The following CAMK2D variants were observed in gnomAD, a reference collection of about 807,000 sequenced individuals.
The protein encoded by CAMK2D is calcium/calmodulin-dependent protein kinase type II subunit delta.
In CAMK2D, 37 loss-of-function variants were observed where a neutral mutation model predicts 84.0. The ratio of observed to expected loss-of-function variants is 0.44; its 90% CI spans 0.34 to 0.58. The LOEUF is 0.58. Ranked by LOEUF, CAMK2D falls within the 20% of genes least tolerant of loss-of-function variation. The pLI is 0.02. For synonymous variants in CAMK2D, 202 were observed against 212.5 expected (o/e 0.95, Z 0.43); for missense variants, 448 against 652.5 (o/e 0.69, Z 3.41).
At chr4:113,724,034 T>C (rs555927035) in intron 2 of CAMK2D, among the ~76,000 whole-genome samples, 2 of 152,262 alleles carry the variant, frequency 1.3e-5, no homozygotes, top group East Asian at 3.8e-4. Context: ...TTAAATTAGA[T>C]TTGCATTCCT....
At position 113,454,532 on chromosome 4, in the gene CAMK2D, G is replaced by A. The variant is rs749281760; in HGVS notation, c.*30-17C>T. ...GAAATTTAGCTGAAAGGAGAAAGGG[G>A]GAGGAAGAAATAAATTATATTGTTT... On this transcript the variant is annotated splice_polypyrimidine_tract_variant and intron_variant, in intron 20 of 20. Coordinates refer to ENST00000511664, the MANE Select transcript of CAMK2D (RefSeq NM_001321571.2). 4 of 776,846 alleles carry A rather than the reference G, an allele frequency of 5.1e-6. No homozygotes were observed. The highest frequency in any genetic ancestry group is 5.1e-5 in the African/African-American group (3 of 58,890). 48.1% of individuals were successfully genotyped at this position (776,846 alleles called of 1,614,324 possible).
At chr4:113,462,989 G>A (rs1040076055) in intron 17 of CAMK2D, among the ~76,000 whole-genome samples, 3 of 152,084 alleles carry the variant, frequency 2.0e-5, no homozygotes, top group African/African-American at 4.8e-5. Flanking sequence ...AATAGGGAAC[G>A]GTTGTCTCTG....
intron 4 of CAMK2D, among the ~76,000 whole-genome samples, chr4:113,565,615 C>G (rs1179086031): frequency 1.3e-5 from 2 of 149,214 alleles, no homozygotes; most frequent in Non-Finnish European, 3.0e-5. Flanking sequence ...CATGCCACTG[C>G]ACTCCAGCCT....
intron 4 of CAMK2D, among the ~76,000 whole-genome samples, chr4:113,562,409 TC>T (rs1156784284): frequency 6.6e-6 from 1 of 152,216 alleles, no homozygotes; most frequent in Non-Finnish European, 1.5e-5. Context: ...TCTAGATCAT[TC>T]AAATTATTGT....
In CAMK2D at chr4:113,508,130, T is replaced by A. The variant is rs79655470; in HGVS notation, c.984+1508A>T. The A allele has an allele frequency of 1.9e-3, 1,415 of 764,572 alleles. 9 individuals carry two copies. In the African/African-American group the frequency reaches 0.022, roughly 12 times the overall value. The allele number at this position is 764,572 out of a possible 1,614,324, so 47.4% of individuals were successfully genotyped here. On this transcript the variant is annotated intron_variant, in intron 13 of 20. Transcript: ENST00000511664. ...ATAGTTGACTAACACTGACCTGTAA[T>A]GGTCCTACACCCTCTCCACTTACTT...
intron 3 of CAMK2D, among the ~76,000 whole-genome samples, chr4:113,639,726 G>C (rs570043189): frequency 1.3e-5 from 2 of 152,108 alleles, no homozygotes; most frequent in African/African-American, 4.8e-5. Flanking sequence ...AGAGAAGATG[G>C]AAAAATAAGA....
chr4:113,640,902 G>A (rs890081646), intron 3 of CAMK2D, among the ~76,000 whole-genome samples: 4 of 152,210 alleles, frequency 2.6e-5, no homozygotes, highest in African/African-American at 9.6e-5. Flanking sequence ...ATAATTTGGA[G>A]ACAACATTGT....
chr4:113,576,191 ACGCCT>A (rs1277262418), intron 4 of CAMK2D, among the ~76,000 whole-genome samples: 1 of 152,124 alleles, frequency 6.6e-6, no homozygotes, highest in African/African-American at 2.4e-5. Context: ...ATGAGCTGCC[ACGCCT>A]GGCCCCTGAA....
At chr4:113,756,861 G>A (rs141053450) in intron 2 of CAMK2D, among the ~76,000 whole-genome samples, 8 of 152,044 alleles carry the variant, frequency 5.3e-5, no homozygotes, top group Non-Finnish European at 1.0e-4. Context: ...TTAAACAAAC[G>A]TATTCATTCA....
chr4:113,576,620 ATTAAGT>A (rs1317370229), intron 4 of CAMK2D, among the ~76,000 whole-genome samples: 2 of 152,164 alleles, frequency 1.3e-5, no homozygotes, highest in African/African-American at 2.4e-5. Flanking sequence ...TTTACTGAGC[ATTAAGT>A]TTAACTCAAT....
chr4:113,549,860 C>G (rs1318486002), intron 5 of CAMK2D, among the ~76,000 whole-genome samples: 1 of 152,092 alleles, frequency 6.6e-6, no homozygotes, highest in East Asian at 1.9e-4. Flanking sequence ...TTTTCTAGCT[C>G]TTTTATTAAC....
chr4:113,635,905 C>A (rs913574724), intron 3 of CAMK2D, among the ~76,000 whole-genome samples: 1 of 152,176 alleles, frequency 6.6e-6, no homozygotes. Context: ...TACAGCTATG[C>A]CTGTGGTTAA....
Position 113,709,751 on chromosome 4 carries a change from A to ATATATATATATATATATATGTATGTG in CAMK2D, c.161-47980_161-47979insCACATACATATATATATATATATATA, listed in dbSNP as rs1400628854. Among the ~76,000 whole-genome samples the ATATATATATATATATATATGTATGTG allele has an allele frequency of 2.2e-5, 2 of 90,384 alleles. 1 individual carries two copies. The highest frequency in any genetic ancestry group is 1.0e-4 in the African/African-American group (2 of 19,966). 59.3% of individuals were successfully genotyped at this position (90,384 alleles called of 152,430 possible). ...AAAAGCTAAAAGCCGTGAACGATAT[A>ATATATATATATATATATATGTATGTG]TATATATATATATATATATATATAT... On this transcript the variant is annotated intron_variant, in intron 2 of 20. Coordinates refer to ENST00000511664, the MANE Select transcript of CAMK2D (RefSeq NM_001321571.2).
intron 4 of CAMK2D, among the ~76,000 whole-genome samples, chr4:113,587,130 C>T (rs1212978933): frequency 6.6e-6 from 1 of 152,080 alleles, no homozygotes; most frequent in Non-Finnish European, 1.5e-5. Flanking sequence ...TACTCTGTGA[C>T]CTTAGGTAAA....
chr4:113,700,216 G>T (rs1037830074), intron 2 of CAMK2D, among the ~76,000 whole-genome samples: 1 of 152,086 alleles, frequency 6.6e-6, no homozygotes, highest in Non-Finnish European at 1.5e-5. Context: ...AGGGTTATGG[G>T]TTATTTTTAA....
Position 113,558,175 on chromosome 4 carries a change from TA to T in CAMK2D, c.276-6080del, listed in dbSNP as rs548473052. On this transcript the variant is annotated intron_variant, in intron 4 of 20. Transcript: ENST00000511664. The stretch of plus-strand genomic sequence containing the variant: ...TAACACACTCACGTAACTCACAATG[TA>T]GTTAAACCACATATACAAAAGTTCA... 5.9e-5 allele frequency among the ~76,000 whole-genome samples: 9 copies of T among 152,360 alleles called. No homozygotes were observed. The East Asian group carries it at 1.7e-3, about 29-fold the overall frequency.
At position 113,452,838 on chromosome 4, in the gene CAMK2D, G is replaced by A. The variant is rs763081763; in HGVS notation, c.*1707C>T. ...TATATTTATTTTAAATATATATGTT[G>A]TTTTAAATTGTGTAATAATTATCAG... On this transcript the variant is annotated 3_prime_UTR_variant, in exon 21 of 21. Transcript: ENST00000511664. 3 of 152,346 alleles carry A rather than the reference G, an allele frequency of 2.0e-5. No homozygotes were observed. The highest frequency in any genetic ancestry group is 2.9e-5 in the Non-Finnish European group (2 of 67,992). The allele number at this position is 152,346 out of a possible 1,614,324, so 9.4% of individuals were successfully genotyped here.
chr4:113,492,744 T>G (rs532171862), intron 16 of CAMK2D, among the ~76,000 whole-genome samples: 1 of 146,412 alleles, frequency 6.8e-6, no homozygotes, highest in Non-Finnish European at 1.5e-5. Flanking sequence ...GAGTGGGGTG[T>G]TAAAGTCTCC....
intron 14 of CAMK2D, among the ~76,000 whole-genome samples, chr4:113,503,891 T>C (rs966311450): frequency 6.6e-6 from 1 of 152,014 alleles, no homozygotes; most frequent in African/African-American, 2.4e-5. Context: ...AATGGGGAGG[T>C]ACTGCAACCC....
Sources: allele counts gnomAD v4.1 joint callset (sites outside exome capture counted in the v4.1 genomes callset), GRCh38; gene constraint gnomAD v4.1.1; transcripts MANE v1.5; gene names NCBI Gene and HGNC (gene_info 2026-07-23, HGNC 2026-07-21).